The following DMTN variants were observed in gnomAD, a reference collection of about 807,000 sequenced individuals.
DMTN encodes dematin actin binding protein, also known as dematin.
In DMTN, 27 loss-of-function variants were observed where a neutral mutation model predicts 59.4. The ratio of observed to expected loss-of-function variants is 0.45; its 90% CI spans 0.33 to 0.63. The LOEUF (loss-of-function observed/expected upper bound fraction) is 0.63. DMTN is among the 20% of genes least tolerant of loss of function. DMTN has a pLI of 0.02. For missense variants in DMTN, 451 were observed against 528.9 expected (o/e 0.85, Z 1.45); for synonymous variants, 221 against 203.7 (o/e 1.08, Z -0.72).
chr8:22,052,479 C>T (rs751877850), upstream of DMTN, among the ~76,000 whole-genome samples: 30 of 152,104 alleles, frequency 2.0e-4, no homozygotes, highest in Non-Finnish European at 3.5e-4. Context: ...GGGGCTTAAG[C>T]AGTTAGTCCC....
At chr8:22,053,322 C>A (rs1414495508), upstream of DMTN, among the ~76,000 whole-genome samples, 1 of 152,196 alleles carries the variant, frequency 6.6e-6, no homozygotes, top group Admixed American at 6.5e-5. Flanking sequence ...GCTCTAGGGT[C>A]TGGGCAGCAG....
chr8:22,081,464 TGGCCCCCACCTGCTCCGGGAC>T lies in DMTN; in HGVS notation c.*9_*29del, dbSNP rs1824252455. 1.2e-6 allele frequency: 2 copies of T among 1,613,296 alleles called. No homozygotes were observed. The highest frequency in any genetic ancestry group is 1.7e-6 in the Non-Finnish European group (2 of 1,179,366). On this transcript the variant is annotated 3_prime_UTR_variant, in exon 16 of 16. Transcript: ENST00000358242. ...CAAGAAGAAGGCCTCTCTCTTCTGA[TGGCCCCCACCTGCTCCGGGAC>T]GGCCCCCTTACCCCTGCTGCTTCAG...
intron 10 of DMTN, among the ~76,000 whole-genome samples, chr8:22,077,258 C>G (rs10110843): frequency 0.78 from 118,203 of 151,826 alleles, 46,629 homozygotes; most frequent in East Asian, 0.97. Flanking sequence ...CATGAGGTTG[C>G]TGGGCTGGGT....
Position 22,081,148 on chromosome 8 carries a change from G to A in DMTN, c.1059G>A (p.Lys353=), listed in dbSNP as rs772074211. The A allele has an allele frequency of 8.1e-6, 13 of 1,611,036 alleles. No homozygotes were observed. Among genetic ancestry groups the A allele is most frequent in the African/African-American group, 6.8e-5 (5 of 73,774 alleles). The change falls in exon 15 of 16, where the codon AAG becomes AAA. Residue 353 remains lysine (K), a synonymous_variant. Coordinates refer to ENST00000358242, the MANE Select transcript of DMTN (RefSeq NM_001387751.1). The part of the protein sequence containing the change: ...YPYEMLVVTN[K]GRTKLPPGVD... ...ATGAAATGCTAGTGGTGACCAACAA[G>A]GGGCGAACCAAGCTGCCACCGGGGG...
At chr8:22,050,826 C>G (rs1801280276), upstream of DMTN, among the ~76,000 whole-genome samples, 1 of 152,182 alleles carries the variant, frequency 6.6e-6, no homozygotes. Context: ...CTCACCACAC[C>G]TCTCGGCGCC....
At chr8:22,074,954 C>A (rs891797327) in intron 10 of DMTN, among the ~76,000 whole-genome samples, 2 of 151,946 alleles carry the variant, frequency 1.3e-5, no homozygotes, top group Non-Finnish European at 2.9e-5. Context: ...TTTGGGAGGC[C>A]GAGGCGGGCG....
chr8:22,076,674 C>CAT (rs202150459), intron 10 of DMTN, among the ~76,000 whole-genome samples: 2,594 of 151,162 alleles, frequency 0.017, 56 homozygotes, highest in African/African-American at 0.058. Context: ...TATACAGTGA[C>CAT]ATATATATAT....
At chr8:22,077,093 C>T (rs58655040) in intron 10 of DMTN, among the ~76,000 whole-genome samples, 2 of 151,726 alleles carry the variant, frequency 1.3e-5, no homozygotes, top group African/African-American at 4.9e-5. Context: ...CCTGGGTTAG[C>T]GTTTTTAAGG....
chr8:22,069,838 G>A, intron 6 of DMTN, 43 bp from the exon 7 acceptor site: 1 of 1,605,250 alleles, frequency 6.2e-7, no homozygotes, highest in Non-Finnish European at 8.5e-7. Context: ...CAGCCTCCCT[G>A]CCATCAGCAT....
intron 2 of DMTN, 76 bp from the exon 3 acceptor site, chr8:22,067,009 C>T: frequency 7.3e-7 from 1 of 1,361,644 alleles, no homozygotes; most frequent in Non-Finnish European, 9.5e-7. Flanking sequence ...CCCGGGTCCC[C>T]CAGGCCTAGG....
intron 3 of DMTN, 139 bp from the exon 4 acceptor site, chr8:22,067,388 A>T: frequency 7.6e-7 from 1 of 1,312,200 alleles, no homozygotes; most frequent in Non-Finnish European, 1.0e-6. Context: ...TAAGGTGACT[A>T]ATTTCTTAAA....
At chr8:22,054,298 G>T (rs368914017), upstream of DMTN, among the ~76,000 whole-genome samples, 2 of 139,012 alleles carry the variant, frequency 1.4e-5, no homozygotes, top group African/African-American at 5.3e-5. Context: ...GGGACATTCC[G>T]ATAGAATGTG....
intron 1 of DMTN, among the ~76,000 whole-genome samples, chr8:22,061,271 A>C (rs1806149805): frequency 6.8e-6 from 1 of 147,480 alleles, no homozygotes; most frequent in Admixed American, 6.7e-5. Flanking sequence ...TAACAGAGTG[A>C]GACCCTGTCT....
intron 10 of DMTN, among the ~76,000 whole-genome samples, chr8:22,077,836 G>T (rs1467345371): frequency 6.6e-6 from 1 of 152,098 alleles, no homozygotes; most frequent in East Asian, 1.9e-4. Context: ...TGGAACACAC[G>T]TAAGCATTTT....
At chr8:22,067,023 GC>G (rs1811238750) in intron 2 of DMTN, 61 bp from the exon 3 acceptor site, 4 of 1,453,108 alleles carry the variant, frequency 2.8e-6, no homozygotes, top group Non-Finnish European at 3.7e-6. Context: ...GCCTAGGGCC[GC>G]CCCCGCCCCG....
At chr8:22,068,579 G>A (rs1812632153) in intron 4 of DMTN, among the ~76,000 whole-genome samples, 1 of 151,904 alleles carries the variant, frequency 6.6e-6, no homozygotes, top group Non-Finnish European at 1.5e-5. Flanking sequence ...AAAGATGAGA[G>A]AGGGATAGAG....
intron 5 of DMTN, 105 bp downstream of exon 5, chr8:22,069,165 C>T (rs1446377077): frequency 7.4e-7 from 1 of 1,350,532 alleles, no homozygotes; most frequent in Non-Finnish European, 1.0e-6. Flanking sequence ...CAGGGAGTGC[C>T]CGAATCAGCG....
At position 22,082,166 on chromosome 8, in the gene DMTN, G is replaced by A. The variant is rs967004877; in HGVS notation, c.*703G>A. 2.8e-5 allele frequency: 13 copies of A among 456,678 alleles called. No homozygotes were observed. The East Asian group carries it at 3.5e-4, about 12-fold the overall frequency. 28.3% of individuals were successfully genotyped at this position (456,678 alleles called of 1,614,324 possible). ...GAATTCCAGCACTAAGCCAGGCACC[G>A]GGCAGAAGCTGGGCCTTCCGCCTCC... On this transcript the variant is annotated 3_prime_UTR_variant, in exon 16 of 16. Transcript: ENST00000358242.
rs930103857 is a variant in DMTN at position 22,081,335 on chromosome 8, G to A, written c.1105-15G>A. ...CTCCCCCTCCATGCTGAGCTGCCCC[G>A]ATTCCCCCATGTAGAGGCATCTGTC... On this transcript the variant is annotated splice_polypyrimidine_tract_variant and intron_variant, in intron 15 of 15. Transcript: ENST00000358242. 1.9e-5 allele frequency: 31 copies of A among 1,612,510 alleles called. No individual in the cohort carries two copies. Among genetic ancestry groups the A allele is most frequent in the Admixed American group, 1.5e-4 (9 of 59,990 alleles).
Sources: gnomAD v4.1 joint callset for allele counts (sites outside exome capture counted in the v4.1 genomes callset) on GRCh38, gnomAD v4.1.1 for gene constraint, MANE v1.5 for transcripts, NCBI Gene and HGNC (gene_info 2026-07-23, HGNC 2026-07-21) for gene names.